Variants in ODAD2 observed in about 807,000 individuals in gnomAD.
ODAD2 encodes the protein outer dynein arm docking complex subunit 2.
A neutral mutation model predicts 106.8 loss-of-function variants in ODAD2; 89 were observed. The ratio of observed to expected loss-of-function variants is 0.83; its 90% confidence interval spans 0.70 to 0.99. The LOEUF (loss-of-function observed/expected upper bound fraction) is 0.99, where lower values mean the gene tolerates loss of function less well. Ranked by LOEUF, ODAD2 falls within the 50% of genes least tolerant of loss-of-function variation. ODAD2 has a pLI of 0.00. For synonymous variants in ODAD2, 404 were observed against 436.2 expected, an observed-to-expected ratio of 0.93 and a Z score of 0.92; for missense variants, 1,168 against 1,238.5, an observed-to-expected ratio of 0.94 and a Z score of 0.85.
At chr10:27,979,697 AT>A (rs1366476065) in intron 7 of ODAD2, among the ~76,000 whole-genome samples, 1 of 152,222 alleles carries the variant, frequency 6.6e-6, no homozygotes, top group African/African-American at 2.4e-5. Flanking sequence ...ACTTCTAAAC[AT>A]TGCTGAAAGC....
intron 17 of ODAD2, among the ~76,000 whole-genome samples, chr10:27,872,401 C>G (rs567494182): frequency 3.1e-4 from 47 of 150,466 alleles, no homozygotes; most frequent in African/African-American, 8.8e-4. Context: ...TGTTGAATAG[C>G]AGGGGTGAGA....
chr10:27,946,132 AT>A (rs1373275547), intron 10 of ODAD2, among the ~76,000 whole-genome samples: 1 of 148,444 alleles, frequency 6.7e-6, no homozygotes, highest in East Asian at 1.9e-4. Context: ...TTTAAAATGT[AT>A]TTTTAAATAT....
rs1840119578 is a variant in ODAD2, at chr10:27,862,495, T to A, written c.2738A>T (p.Glu913Val). ...AAITNIAKDQ[E>V]NLAVITDHGV... ...ATGATCTGTGATAACAGCTAAATTT[T>A]CTTGATCTTTTGCTATGTTGGTAAT... The change falls in exon 18 of 20, where the codon GAA (glutamate) becomes GTA (valine). Residue 913 changes from glutamate to valine, a missense_variant. Glu to Val is a moderately radical substitution (Grantham distance 121). Transcript: ENST00000305242. The A allele has an allele frequency of 1.2e-6, 2 of 1,612,624 alleles. No individual in the cohort carries two copies. Among genetic ancestry groups the A allele is most frequent in the Non-Finnish European group, 1.7e-6 (2 of 1,179,468 alleles).
chr10:27,906,478 G>A (rs553889092), intron 17 of ODAD2, among the ~76,000 whole-genome samples: 77 of 152,160 alleles, frequency 5.1e-4, no homozygotes, highest in African/African-American at 1.6e-3. Flanking sequence ...CTAGAACCAC[G>A]AATACCATTT....
At chr10:27,868,337 C>A (rs1015852696) in intron 17 of ODAD2, among the ~76,000 whole-genome samples, 1 of 151,954 alleles carries the variant, frequency 6.6e-6, no homozygotes, top group African/African-American at 2.4e-5. Flanking sequence ...GGGTATATAC[C>A]CAAAGGAATA....
intron 19 of ODAD2, among the ~76,000 whole-genome samples, chr10:27,835,491 G>A (rs1837803736): frequency 2.6e-5 from 4 of 152,228 alleles, no homozygotes; most frequent in Middle Eastern, 6.8e-3. Flanking sequence ...TACAGTTGAT[G>A]TCTGAAAAAT....
Position 27,935,116 on chromosome 10 carries a change from C to T in ODAD2, c.2389G>A (p.Gly797Ser), listed in dbSNP as rs780057616. The change falls in exon 16 of 20, where the codon GGT becomes AGT. Residue 797 changes from glycine (G) to serine (S), a missense_variant. Physicochemically the swap from Gly to Ser is moderately conservative, Grantham distance 56. This residue lies in a region of ODAD2 where 701 missense variants were observed against 712.3 expected (regional missense o/e 0.98). Transcript: ENST00000305242. Reference sequence around the variant, plus strand: ...AGGTTCACAAGTGGTTGAATGCCACCACATTTCCGGACAATGACTCGGTTT... The same window carrying T: ...AGGTTCACAAGTGGTTGAATGCCACTACATTTCCGGACAATGACTCGGTTT... ...RENRVIVRKCGGIQPLVNLLV... is the reference protein window; with the variant it reads ...RENRVIVRKCSGIQPLVNLLV... 7 of 1,613,934 alleles carry T rather than the reference C, an allele frequency of 4.3e-6. No homozygotes were observed. Among genetic ancestry groups the T allele is most frequent in the Middle Eastern group, 1.7e-4 (1 of 6,060 alleles).
At chr10:27,823,859 G>C (rs1589754573) in intron 19 of ODAD2, among the ~76,000 whole-genome samples, 1 of 117,506 alleles carries the variant, frequency 8.5e-6, no homozygotes, top group African/African-American at 4.7e-5. Context: ...AAATAGTTCA[G>C]GCCGGGCGCG....
chr10:27,980,998 G>T (rs1849508751), intron 7 of ODAD2, among the ~76,000 whole-genome samples: 1 of 152,222 alleles, frequency 6.6e-6, no homozygotes, highest in South Asian at 2.1e-4. Flanking sequence ...TACCATAAAA[G>T]AATGAAATTC....
At chr10:27,905,303 T>C (rs1361274228) in intron 17 of ODAD2, 1 of 152,036 alleles carries the variant, frequency 6.6e-6, no homozygotes, top group Non-Finnish European at 1.5e-5. Flanking sequence ...GGAATACAAC[T>C]TACAAGGGAT....
chr10:27,937,258 T>A (rs990489779), intron 14 of ODAD2, among the ~76,000 whole-genome samples: 1 of 151,946 alleles, frequency 6.6e-6, no homozygotes, highest in African/African-American at 2.4e-5. Context: ...GACAGATGAG[T>A]GATAGGGATT....
intron 10 of ODAD2, among the ~76,000 whole-genome samples, chr10:27,950,327 A>G (rs1319231544): frequency 6.6e-6 from 1 of 152,190 alleles, no homozygotes; most frequent in Non-Finnish European, 1.5e-5. Context: ...GTGGTGTATA[A>G]CCACGTGAGT....
chr10:27,936,952 G>C, intron 14 of ODAD2, 72 bp from the exon 15 acceptor site: 1 of 1,481,420 alleles, frequency 6.8e-7, no homozygotes, highest in Non-Finnish European at 9.1e-7. Context: ...TAAAAAGGCT[G>C]CCATTCTAGT....
intron 10 of ODAD2, among the ~76,000 whole-genome samples, chr10:27,955,068 A>G (rs1847624184): frequency 6.6e-6 from 1 of 152,196 alleles, no homozygotes; most frequent in Non-Finnish European, 1.5e-5. Context: ...ACCCACATCA[A>G]TGTAGCAACA....
At chr10:27,851,968 G>A (rs962926332) in intron 19 of ODAD2, among the ~76,000 whole-genome samples, 1 of 152,096 alleles carries the variant, frequency 6.6e-6, no homozygotes, top group Non-Finnish European at 1.5e-5. Context: ...ACAAACATAA[G>A]CATGATAACA....
chr10:27,870,261 C>T lies in ODAD2; in HGVS notation c.2611-7639G>A, dbSNP rs551107619. Reference sequence around the variant, plus strand: ...CAATCTCAATCTTTTCTCTCCCAGTCTTCTCTTTGGCATAGTCTACACTCC... The same window carrying T: ...CAATCTCAATCTTTTCTCTCCCAGTTTTCTCTTTGGCATAGTCTACACTCC... On this transcript the variant is annotated intron_variant, in intron 17 of 19. Transcript: ENST00000305242. Among the ~76,000 whole-genome samples the T allele has an allele frequency of 3.9e-5, 6 of 152,200 alleles. No homozygotes were observed. In the South Asian group the frequency reaches 1.2e-3, roughly 32 times the overall value.
chr10:27,816,408 T>C (rs1836139603), intron 19 of ODAD2, among the ~76,000 whole-genome samples: 1 of 152,156 alleles, frequency 6.6e-6, no homozygotes. Flanking sequence ...TTTGTATCAT[T>C]CCTTTTCTCC....
At chr10:27,876,216 G>A (rs140624045) in intron 17 of ODAD2, among the ~76,000 whole-genome samples, 1 of 152,278 alleles carries the variant, frequency 6.6e-6, no homozygotes, top group East Asian at 1.9e-4. Context: ...CCAGCACAGA[G>A]TTTGAGATCT....
chr10:27,883,764 A>G (rs761723190), intron 17 of ODAD2, among the ~76,000 whole-genome samples: 2 of 152,200 alleles, frequency 1.3e-5, no homozygotes, highest in Non-Finnish European at 2.9e-5. Context: ...GTTTAGTTGA[A>G]AGTACAATAA....
Sources: allele counts gnomAD v4.1 joint callset (sites outside exome capture counted in the v4.1 genomes callset), GRCh38; gene constraint gnomAD v4.1.1; regional missense constraint gnomAD v4.1.1; transcripts MANE v1.5; gene names NCBI Gene and HGNC (gene_info 2026-07-23, HGNC 2026-07-21).